Variants in FEZ2 observed in about 807,000 individuals in gnomAD.
FEZ2 encodes fasciculation and elongation protein zeta 2.
Under a neutral mutation model 40.4 loss-of-function variants are expected in FEZ2, and 51 were observed. That is an observed-to-expected ratio of 1.26 (90% CI 1.01 to 1.59). The LOEUF (loss-of-function observed/expected upper bound fraction) is 1.59, where lower values mean the gene tolerates loss of function less well. FEZ2 is among the 40% of genes most tolerant of loss of function. FEZ2 has a pLI of 0.00. For synonymous variants in FEZ2, 242 were observed against 172.0 expected (o/e 1.41, Z -3.18); for missense variants, 640 against 438.3 (o/e 1.46, Z -4.11).
intron 5 of FEZ2, among the ~76,000 whole-genome samples, chr2:36,576,820 G>C (rs933539461): frequency 1.3e-5 from 2 of 152,302 alleles, no homozygotes; most frequent in African/African-American, 4.8e-5. Flanking sequence ...TTACACAATA[G>C]ATTTACTCTA....
chr2:36,587,055 C>A (rs751672966), intron 2 of FEZ2, among the ~76,000 whole-genome samples: 26 of 152,146 alleles, frequency 1.7e-4, no homozygotes, highest in Non-Finnish European at 3.4e-4. Context: ...AAGAAATGCA[C>A]ATGGAAGGAG....
chr2:36,594,516 C>T (rs114198801), intron 1 of FEZ2: 1,946 of 189,460 alleles, frequency 0.01, 46 homozygotes, highest in African/African-American at 0.044. Flanking sequence ...AAAGCGGAAA[C>T]CCCTGATAAG....
Position 36,573,417 on chromosome 2 carries a change from A to T in FEZ2, c.903+5180T>A, listed in dbSNP as rs537887154. ...TGTATTCATGAGAACTGCTACTGAA[A>T]TTCAATGACCTGTGAATGTCTGATG... On this transcript the variant is annotated intron_variant, in intron 5 of 7. Coordinates refer to ENST00000405912, the MANE Select transcript of FEZ2 (RefSeq NM_005102.3). Among the ~76,000 whole-genome samples the T allele has an allele frequency of 1.6e-3, 247 of 152,374 alleles. 2 individuals are homozygous for T. Among genetic ancestry groups the T allele is most frequent in the Non-Finnish European group, 2.9e-3 (199 of 68,038 alleles).
At chr2:36,586,725 G>C (rs1309492463) in intron 2 of FEZ2, among the ~76,000 whole-genome samples, 9 of 152,048 alleles carry the variant, frequency 5.9e-5, no homozygotes, top group Admixed American at 1.3e-4. Context: ...AGGATCTCCT[G>C]AGGTCAGGAC....
Position 36,597,944 on chromosome 2 carries a change from GATCCGA to G in FEZ2, c.193_198del (p.Ser65_Asp66del), listed in dbSNP as rs1669286240. On this transcript the variant is annotated inframe_deletion, in exon 1 of 8. Coordinates refer to ENST00000405912, the MANE Select transcript of FEZ2 (RefSeq NM_005102.3). ...GCCGTCCTCGGGGGCTCGGCGCCCG[GATCCGA>G]GGGGCGGAAGCACAGGCTCAGCTTC... 1.4e-6 allele frequency: 2 copies of G among 1,455,280 alleles called. No homozygotes were observed. The allele number at this position is 1,455,280 out of a possible 1,614,324, so 90.1% of individuals were successfully genotyped here.
intron 1 of FEZ2, among the ~76,000 whole-genome samples, chr2:36,595,235 C>G (rs1308825558): frequency 2.0e-5 from 3 of 152,056 alleles, no homozygotes; most frequent in Non-Finnish European, 4.4e-5. Context: ...TTACGGTGTA[C>G]TTTATTTCTA....
At chr2:36,557,252 G>A (rs1488461995) in intron 6 of FEZ2, 1 of 152,004 alleles carries the variant, frequency 6.6e-6, no homozygotes, top group African/African-American at 2.4e-5. Context: ...GTGTGATCTT[G>A]GACACATATA....
intron 5 of FEZ2, among the ~76,000 whole-genome samples, chr2:36,572,282 A>G (rs549417940): frequency 6.6e-6 from 1 of 152,310 alleles, no homozygotes; most frequent in East Asian, 1.9e-4. Flanking sequence ...TTGGCTGGCC[A>G]AGGTGTCACT....
chr2:36,560,714 A>G, intron 5 of FEZ2: 1 of 903,338 alleles, frequency 1.1e-6, no homozygotes, highest in East Asian at 2.6e-5. Flanking sequence ...GTAAACTACC[A>G]GCTTTCAGGA....
chr2:36,575,869 G>A (rs1347427367), intron 5 of FEZ2, among the ~76,000 whole-genome samples: 1 of 151,896 alleles, frequency 6.6e-6, no homozygotes, highest in African/African-American at 2.4e-5. Flanking sequence ...ACAAATTGAT[G>A]TACTGCTTCA....
chr2:36,557,366 A>T (rs535882921), intron 6 of FEZ2: 2 of 152,212 alleles, frequency 1.3e-5, no homozygotes, highest in Non-Finnish European at 2.9e-5. Flanking sequence ...ATTTAAATAT[A>T]AAATTTTTAA....
chr2:36,595,398 G>C (rs1273693886), intron 1 of FEZ2, among the ~76,000 whole-genome samples: 1 of 151,960 alleles, frequency 6.6e-6, no homozygotes, highest in East Asian at 1.9e-4. Context: ...TTCTCATAAG[G>C]TGTCTGCAAA....
At chr2:36,590,654 C>CA (rs146856068) in intron 2 of FEZ2, 14,915 of 336,716 alleles carry the variant, frequency 0.044, no homozygotes, top group Middle Eastern at 0.058. Flanking sequence ...GAGACTCCGT[C>CA]AAAAAAAAAA....
At chr2:36,571,385 G>C (rs922387594) in intron 5 of FEZ2, among the ~76,000 whole-genome samples, 1 of 152,216 alleles carries the variant, frequency 6.6e-6, no homozygotes, top group African/African-American at 2.4e-5. Flanking sequence ...TCAGAGCCGG[G>C]CACGGTTGCT....
chr2:36,556,505 A>G (rs1229612837), intron 6 of FEZ2: 3 of 152,308 alleles, frequency 2.0e-5, no homozygotes, highest in African/African-American at 7.2e-5. Flanking sequence ...TGGTAAAAAT[A>G]TTTCACTGTT....
chr2:36,588,595 T>C (rs1366383002), intron 2 of FEZ2, among the ~76,000 whole-genome samples: 1 of 152,160 alleles, frequency 6.6e-6, no homozygotes, highest in Non-Finnish European at 1.5e-5. Flanking sequence ...ATATAACCTG[T>C]GCACATCCCC....
intron 2 of FEZ2, among the ~76,000 whole-genome samples, chr2:36,587,743 C>A (rs550865323): frequency 2.1e-4 from 32 of 152,098 alleles, no homozygotes; most frequent in African/African-American, 7.2e-4. Context: ...AGCTTAGTCA[C>A]GGCACGAACA....
intron 7 of FEZ2, 117 bp downstream of exon 7, chr2:36,555,566 T>C (rs1369035301): frequency 1.3e-5 from 7 of 532,848 alleles, no homozygotes; most frequent in East Asian, 3.1e-5. Context: ...CCCTGCATAA[T>C]AAGATTAATG....
In FEZ2 at chr2:36,555,763, A is replaced by AG. The variant is rs772980966; in HGVS notation, c.980-16dup. 4.0e-6 allele frequency: 6 copies of AG among 1,484,138 alleles called. No homozygotes were observed. The highest frequency in any genetic ancestry group is 2.9e-5 in the African/African-American group (2 of 69,806). 91.9% of individuals were successfully genotyped at this position (1,484,138 alleles called of 1,614,324 possible). On this transcript the variant is annotated splice_polypyrimidine_tract_variant and intron_variant, in intron 6 of 7. Transcript: ENST00000405912. The stretch of plus-strand genomic sequence containing the variant: ...GGCACGAAGAACTGCAAAATAGAAG[A>AG]GGGGAAAAAAGACAACAATTAAAAA...
Sources: gnomAD v4.1 joint callset for allele counts (sites outside exome capture counted in the v4.1 genomes callset) on GRCh38, gnomAD v4.1.1 for gene constraint, MANE v1.5 for transcripts, NCBI Gene and HGNC (gene_info 2026-07-23, HGNC 2026-07-21) for gene names.